AFF4: variants seen among roughly 807,000 people sequenced by gnomAD.
AFF4 encodes the protein AF4/FMR2 family member 4.
Under a neutral mutation model 124.8 loss-of-function variants are expected in AFF4, and 13 were observed. The observed-to-expected ratio is 0.10, with a 90% CI of 0.07 to 0.17. The LOEUF (loss-of-function observed/expected upper bound fraction) is 0.17, where lower values mean the gene tolerates loss of function less well. Ranked by LOEUF, AFF4 falls within the 10% of genes least tolerant of loss-of-function variation. The pLI is 1.00. For missense variants in AFF4, 1,092 were observed against 1,403.8 expected, an observed-to-expected ratio of 0.78 and a Z score of 3.55; for synonymous variants, 477 against 496.1, an observed-to-expected ratio of 0.96 and a Z score of 0.51.
intron 7 of AFF4, chr5:132,900,880 A>G: frequency 1.0e-6 from 1 of 983,744 alleles, no homozygotes; most frequent in Non-Finnish European, 1.2e-6. Flanking sequence ...ACCTTTCTTA[A>G]AATTTCATTA....
At chr5:132,911,726 A>T (rs1208813445) in intron 5 of AFF4, among the ~76,000 whole-genome samples, 1 of 152,000 alleles carries the variant, frequency 6.6e-6, no homozygotes, top group Non-Finnish European at 1.5e-5. Context: ...GGAAACTATA[A>T]GACCAAAATT....
At chr5:132,905,939 A>G (rs1183200827) in intron 5 of AFF4, among the ~76,000 whole-genome samples, 2 of 152,198 alleles carry the variant, frequency 1.3e-5, no homozygotes, top group Non-Finnish European at 2.9e-5. Context: ...ATTCAATAAC[A>G]AGACAAGCCA....
At chr5:132,955,521 G>A (rs756918481) in intron 1 of AFF4, among the ~76,000 whole-genome samples, 21 of 152,110 alleles carry the variant, frequency 1.4e-4, no homozygotes, top group Non-Finnish European at 2.6e-4. Flanking sequence ...ACTTATGCCT[G>A]TAATCTGAAC....
intron 1 of AFF4, among the ~76,000 whole-genome samples, chr5:132,954,478 T>C (rs891098551): frequency 2.6e-5 from 4 of 151,300 alleles, no homozygotes; most frequent in Admixed American, 6.6e-5. Context: ...TACCGGCTCA[T>C]GGCAGCATCT....
chr5:132,922,223 G>C (rs1330995009), intron 5 of AFF4, among the ~76,000 whole-genome samples: 1 of 152,112 alleles, frequency 6.6e-6, no homozygotes, highest in African/African-American at 2.4e-5. Context: ...TTCAAGAGCA[G>C]CCTGAGCAAT....
At position 132,896,972 on chromosome 5, in the gene AFF4, C is replaced by G; in HGVS notation, c.1658G>C (p.Ser553Thr). 6.2e-7 allele frequency: 1 copy of G among 1,614,230 alleles called. No homozygotes were observed. The change falls in exon 11 of 21, where the codon AGT becomes ACT. Residue 553 changes from serine to threonine, a missense_variant. By Grantham distance (58) the Ser-to-Thr change is moderately conservative. Transcript: ENST00000265343. Reference protein sequence around the residue: ...GRGRQKSPAQSDSTTQRRTVG... With the variant: ...GRGRQKSPAQTDSTTQRRTVG... ...AGTTCTTCTCTGTGTTGTGCTGTCA[C>G]TCTGTGCAGGAGATTTCTGCCTCCC...
At chr5:132,886,258 G>T in intron 18 of AFF4, 52 bp downstream of exon 18, 1 of 1,509,456 alleles carries the variant, frequency 6.6e-7, no homozygotes, top group South Asian at 1.2e-5. Flanking sequence ...GGGGATGGGA[G>T]ACTACAAATT....
Position 132,880,102 on chromosome 5 carries a change from A to T in AFF4, c.*957T>A, listed in dbSNP as rs1297773841. 1 of 397,428 alleles carries T rather than the reference A, an allele frequency of 2.5e-6. No homozygotes were observed. Among genetic ancestry groups the T allele is most frequent in the African/African-American group, 2.1e-5 (1 of 48,592 alleles). The allele number at this position is 397,428 out of a possible 1,614,324, so 24.6% of individuals were successfully genotyped here. A position where few individuals can be genotyped will look rare whatever the true frequency, so the allele number is the denominator to read the frequency against. ...CTCTAACTATCAAAGATAATCAATTAAAGACACACAGGCGGCAATCCTCAG... is the reference window on the plus strand; with the variant it reads ...CTCTAACTATCAAAGATAATCAATTTAAGACACACAGGCGGCAATCCTCAG... On this transcript the variant is annotated 3_prime_UTR_variant, in exon 21 of 21. Transcript: ENST00000265343.
chr5:132,879,867 C>T lies in AFF4; in HGVS notation c.*1192G>A, dbSNP rs1250008059. On this transcript the variant is annotated 3_prime_UTR_variant, in exon 21 of 21. Transcript: ENST00000265343. ...ATTTTCTGATTCCATCAGAAACATA[C>T]ATCATTGAAGAGGGCCTTCATAATG... The T allele has an allele frequency of 6.9e-5, 17 of 246,742 alleles. No individual in the cohort carries two copies. Among genetic ancestry groups the T allele is most frequent in the Non-Finnish European group, 1.2e-4 (15 of 127,840 alleles). 15.3% of individuals were successfully genotyped at this position (246,742 alleles called of 1,614,324 possible). A position where few individuals can be genotyped will look rare whatever the true frequency, so the allele number is the denominator to read the frequency against.
chr5:132,958,465 CAAA>C (rs34337170), intron 1 of AFF4, among the ~76,000 whole-genome samples: 8 of 55,706 alleles, frequency 1.4e-4, no homozygotes, highest in South Asian at 6.8e-4. Context: ...GACCCTGTCT[CAAA>C]AAAAAAAAAA....
At position 132,936,594 on chromosome 5, in the gene AFF4, C is replaced by T. The variant is rs569069011; in HGVS notation, c.123+473G>A. Reference sequence around the variant, plus strand: ...TTATTGATATCACACTTAAAGAACACCTAGGAAAAATCAAACAATGCAAAT... The same window carrying T: ...TTATTGATATCACACTTAAAGAACATCTAGGAAAAATCAAACAATGCAAAT... On this transcript the variant is annotated intron_variant, in intron 2 of 20. Transcript: ENST00000265343. Among the ~76,000 whole-genome samples, 7 of 152,142 alleles carry T rather than the reference C, an allele frequency of 4.6e-5. No individual in the cohort carries two copies. The East Asian group carries it at 9.6e-4, about 21-fold the overall frequency.
chr5:132,898,997 C>A, intron 9 of AFF4, 107 bp downstream of exon 9: 1 of 995,978 alleles, frequency 1.0e-6, no homozygotes, highest in Admixed American at 2.3e-5. Context: ...ATTGTACAAC[C>A]ATTATCAAAA....
At chr5:132,893,217 G>C (rs1760307175) in intron 11 of AFF4, 99 bp from the exon 12 acceptor site, 1 of 956,714 alleles carries the variant, frequency 1.0e-6, no homozygotes, top group African/African-American at 1.6e-5. Flanking sequence ...TTAGGCATCA[G>C]AAAGAAGATA....
intron 13 of AFF4, among the ~76,000 whole-genome samples, chr5:132,890,029 C>A (rs559312980): frequency 6.6e-6 from 1 of 151,908 alleles, no homozygotes; most frequent in East Asian, 1.9e-4. Flanking sequence ...TTTAATAAAA[C>A]GAATATACAT....
rs952850522 is a variant in AFF4 at position 132,877,368 on chromosome 5, T to C, written c.*3691A>G. On this transcript the variant is annotated 3_prime_UTR_variant, in exon 21 of 21. Transcript: ENST00000265343. Reference sequence around the variant, plus strand: ...TCATAGTAATTAAGCTTTAACAATCTAAAGGAATACACATTGCACCCTTGA... The same window carrying C: ...TCATAGTAATTAAGCTTTAACAATCCAAAGGAATACACATTGCACCCTTGA... 9.2e-6 allele frequency: 2 copies of C among 216,612 alleles called. No homozygotes were observed. 13.4% of individuals were successfully genotyped at this position (216,612 alleles called of 1,614,324 possible). A position where few individuals can be genotyped will look rare whatever the true frequency, so the allele number is the denominator to read the frequency against.
At chr5:132,931,758 C>A (rs1761304920) in intron 4 of AFF4, among the ~76,000 whole-genome samples, 1 of 152,178 alleles carries the variant, frequency 6.6e-6, no homozygotes, top group Non-Finnish European at 1.5e-5. Flanking sequence ...GAGTTCCAGG[C>A]CAGCCTGGCC....
chr5:132,957,592 G>A (rs1286677575), intron 1 of AFF4, among the ~76,000 whole-genome samples: 1 of 151,970 alleles, frequency 6.6e-6, no homozygotes, highest in Non-Finnish European at 1.5e-5. Flanking sequence ...AATTGGCTGG[G>A]CATGGTGGCA....
At chr5:132,926,345 T>C (rs1428093305) in intron 5 of AFF4, 1 of 294,414 alleles carries the variant, frequency 3.4e-6, no homozygotes, top group African/African-American at 2.2e-5. Context: ...ATTAATACTG[T>C]TAAGTATAAG....
At chr5:132,887,372 T>A in intron 17 of AFF4, 149 bp downstream of exon 17, 1 of 666,800 alleles carries the variant, frequency 1.5e-6, no homozygotes, top group Non-Finnish European at 2.5e-6. Flanking sequence ...GTAGGAATTT[T>A]GAGTTACTTC....
Sources: allele counts gnomAD v4.1 joint callset (sites outside exome capture counted in the v4.1 genomes callset), GRCh38; gene constraint gnomAD v4.1.1; transcripts MANE v1.5; gene names NCBI Gene and HGNC (gene_info 2026-07-23, HGNC 2026-07-21).